The following GABRA2 variants were observed in gnomAD, a reference collection of about 807,000 sequenced individuals.
GABRA2 encodes gamma-aminobutyric acid type A receptor subunit alpha2, also known as gamma-aminobutyric acid receptor subunit alpha-2.
GABRA2 carries 16 observed loss-of-function variants against 48.7 expected under a neutral mutation model. The ratio of observed to expected loss-of-function variants is 0.33; its 90% CI spans 0.22 to 0.50. The LOEUF is 0.50. GABRA2 is among the 20% of genes least tolerant of loss of function. GABRA2 has a pLI of 0.98. For missense variants in GABRA2, 275 were observed against 535.6 expected, an observed-to-expected ratio of 0.51 and a Z score of 4.80; for synonymous variants, 185 against 184.5, an observed-to-expected ratio of 1.00 and a Z score of -0.02.
At chr4:46,334,766 T>C (rs1469650176) in intron 3 of GABRA2, among the ~76,000 whole-genome samples, 2 of 152,120 alleles carry the variant, frequency 1.3e-5, no homozygotes. Flanking sequence ...ACATAAAAAG[T>C]TATTTTTAGA....
At chr4:46,384,014 A>G (rs1211756849) in intron 3 of GABRA2, among the ~76,000 whole-genome samples, 2 of 152,204 alleles carry the variant, frequency 1.3e-5, no homozygotes, top group Non-Finnish European at 2.9e-5. Flanking sequence ...TATGTAGCAC[A>G]TGCTTTGTGT....
At chr4:46,345,317 T>G (rs1181087067) in intron 3 of GABRA2, among the ~76,000 whole-genome samples, 2 of 151,914 alleles carry the variant, frequency 1.3e-5, no homozygotes, top group Admixed American at 1.3e-4. Flanking sequence ...ATACACCACG[T>G]AAGACCAATT....
chr4:46,359,699 T>C (rs1170490229), intron 3 of GABRA2, among the ~76,000 whole-genome samples: 1 of 152,020 alleles, frequency 6.6e-6, no homozygotes, highest in Non-Finnish European at 1.5e-5. Context: ...AGACGGATCA[T>C]GAGGTCAGGA....
At chr4:46,361,451 T>C (rs1713171506) in intron 3 of GABRA2, among the ~76,000 whole-genome samples, 1 of 152,154 alleles carries the variant, frequency 6.6e-6, no homozygotes, top group Admixed American at 6.5e-5. Context: ...GAATTGAAGT[T>C]TGGGAACCTC....
intron 4 of GABRA2, among the ~76,000 whole-genome samples, chr4:46,317,166 G>A (rs1402174039): frequency 2.0e-5 from 3 of 151,784 alleles, no homozygotes; most frequent in African/African-American, 7.2e-5. Context: ...AGAGTTTGAG[G>A]TCATCTGAAA....
At chr4:46,322,252 C>G (rs909723097) in intron 4 of GABRA2, among the ~76,000 whole-genome samples, 3 of 151,972 alleles carry the variant, frequency 2.0e-5, no homozygotes, top group Admixed American at 2.0e-4. Flanking sequence ...GGACTGGACT[C>G]TTTAAGCTAT....
chr4:46,353,218 C>T (rs973130882), intron 3 of GABRA2, among the ~76,000 whole-genome samples: 6 of 152,046 alleles, frequency 3.9e-5, no homozygotes, highest in African/African-American at 9.7e-5. Flanking sequence ...TCCAATCCAT[C>T]GGAAATCCTG....
chr4:46,259,561 G>A (rs1716537564), intron 9 of GABRA2, among the ~76,000 whole-genome samples: 1 of 151,878 alleles, frequency 6.6e-6, no homozygotes, highest in Non-Finnish European at 1.5e-5. Flanking sequence ...ACAGGTTAAA[G>A]ACATATGTCT....
chr4:46,381,964 T>C (rs1251182695), intron 3 of GABRA2, among the ~76,000 whole-genome samples: 1 of 152,020 alleles, frequency 6.6e-6, no homozygotes, highest in Non-Finnish European at 1.5e-5. Context: ...AAAGCAAAAA[T>C]GAAATCAACT....
At chr4:46,278,287 C>A (rs1720888790) in intron 8 of GABRA2, among the ~76,000 whole-genome samples, 1 of 152,046 alleles carries the variant, frequency 6.6e-6, no homozygotes, top group South Asian at 2.1e-4. Context: ...ATTTAAGAAA[C>A]CCTTCACACA....
chr4:46,286,056 C>T (rs1722488659), intron 8 of GABRA2, among the ~76,000 whole-genome samples: 1 of 151,976 alleles, frequency 6.6e-6, no homozygotes, highest in Admixed American at 6.5e-5. Context: ...AGTTTCAAAA[C>T]TTGTTTTTAT....
chr4:46,288,103 C>T (rs1387016684), intron 8 of GABRA2, among the ~76,000 whole-genome samples: 1 of 152,170 alleles, frequency 6.6e-6, no homozygotes, highest in Admixed American at 6.5e-5. Flanking sequence ...AATCACCTCA[C>T]ACTGGTTTCC....
intron 3 of GABRA2, among the ~76,000 whole-genome samples, chr4:46,371,885 T>G (rs1380297584): frequency 6.6e-6 from 1 of 152,142 alleles, no homozygotes; most frequent in African/African-American, 2.4e-5. Flanking sequence ...TTCACTACAT[T>G]ATATTCTTTA....
chr4:46,303,666 T>C (rs1726142209), intron 7 of GABRA2, 54 bp from the exon 8 acceptor site: 1 of 1,512,744 alleles, frequency 6.6e-7, no homozygotes, highest in South Asian at 1.1e-5. Context: ...TTTGAACATT[T>C]AGGAAATAGA....
At chr4:46,287,329 G>T (rs1722746058) in intron 8 of GABRA2, among the ~76,000 whole-genome samples, 1 of 151,862 alleles carries the variant, frequency 6.6e-6, no homozygotes, top group Non-Finnish European at 1.5e-5. Flanking sequence ...GCTCTTTTTT[G>T]GTTCTACATG....
intron 3 of GABRA2, among the ~76,000 whole-genome samples, chr4:46,338,016 T>C (rs1288123838): frequency 6.6e-6 from 1 of 152,042 alleles, no homozygotes; most frequent in South Asian, 2.1e-4. Context: ...ATCCTTTCTG[T>C]AAATGATTGA....
intron 8 of GABRA2, among the ~76,000 whole-genome samples, chr4:46,267,971 C>A (rs1718582381): frequency 1.3e-5 from 2 of 151,664 alleles, no homozygotes; most frequent in South Asian, 4.2e-4. Flanking sequence ...TTCCAAAATC[C>A]AAAAATATTC....
rs1217220965 is a variant in GABRA2, at chr4:46,247,889, A to AGTT, written c.*2416_*2418dup. On this transcript the variant is annotated 3_prime_UTR_variant, in exon 10 of 10. Transcript: ENST00000381620. ...AAGAAATATGTAAAAAGTACATCAA[A>AGTT]GTTTAAAGAAATAACAAAGAATTCT... 6.6e-6 allele frequency among the ~76,000 whole-genome samples: 1 copy of AGTT among 151,300 alleles called. No homozygotes were observed. The highest frequency in any genetic ancestry group is 2.0e-4 in the East Asian group (1 of 5,126).
chr4:46,377,178 G>C (rs532579574), intron 3 of GABRA2, among the ~76,000 whole-genome samples: 3 of 151,714 alleles, frequency 2.0e-5, no homozygotes, highest in African/African-American at 7.3e-5. Flanking sequence ...AGTGAGGAGC[G>C]TCTCTGCCCG....
Sources: allele counts gnomAD v4.1 joint callset (sites outside exome capture counted in the v4.1 genomes callset), GRCh38; gene constraint gnomAD v4.1.1; transcripts MANE v1.5; gene names NCBI Gene and HGNC (gene_info 2026-07-23, HGNC 2026-07-21).